The following AK4 variants were observed in gnomAD, a reference collection of about 807,000 sequenced individuals.
The protein encoded by AK4 is adenylate kinase 4, also known as adenylate kinase 4, mitochondrial.
In AK4, 13 loss-of-function variants were observed where a neutral mutation model predicts 24.6. The observed-to-expected ratio is 0.53, with a 90% CI of 0.34 to 0.84. AK4 has a LOEUF of 0.84. Ranked by LOEUF, AK4 falls within the 40% of genes least tolerant of loss-of-function variation. The pLI, the probability that AK4 is intolerant of heterozygous loss-of-function variation, is 0.01. For synonymous variants in AK4, 88 were observed against 107.0 expected (o/e 0.82, Z 1.10); for missense variants, 192 against 288.2 (o/e 0.67, Z 2.42).
intron 1 of AK4, among the ~76,000 whole-genome samples, chr1:65,152,145 G>T (rs1306982573): frequency 4.0e-5 from 6 of 151,682 alleles, no homozygotes; most frequent in African/African-American, 1.5e-4. Context: ...ATATCTAAAG[G>T]ATATGCAAAT....
intron 2 of AK4, among the ~76,000 whole-genome samples, chr1:65,216,033 TTTG>T (rs1478027092): frequency 1.3e-5 from 2 of 152,252 alleles, no homozygotes; most frequent in African/African-American, 4.8e-5. Flanking sequence ...TCTAAAATTC[TTTG>T]TTTACATTTA....
intron 1 of AK4, among the ~76,000 whole-genome samples, chr1:65,163,714 G>A (rs989156994): frequency 7.9e-5 from 12 of 152,312 alleles, no homozygotes; most frequent in South Asian, 4.1e-4. Context: ...AGTAATCCAC[G>A]TAGAGCTGGC....
chr1:65,152,405 T>A (rs1266700753), intron 1 of AK4, among the ~76,000 whole-genome samples: 2 of 91,370 alleles, frequency 2.2e-5, no homozygotes, highest in South Asian at 4.8e-4. Context: ...TTTTTTTTTT[T>A]TTTTTTTTTT....
At chr1:65,167,230 T>C (rs539910255) in intron 1 of AK4, among the ~76,000 whole-genome samples, 1 of 152,330 alleles carries the variant, frequency 6.6e-6, no homozygotes, top group East Asian at 1.9e-4. Flanking sequence ...CAGGATCTTT[T>C]AATATGCTGG....
chr1:65,209,091 A>G (rs573948818), intron 2 of AK4, among the ~76,000 whole-genome samples: 22 of 152,340 alleles, frequency 1.4e-4, no homozygotes, highest in Admixed American at 9.1e-4. Context: ...TCAGCTTTCA[A>G]TCTGGATTGG....
upstream of AK4, chr1:65,148,182 G>C: frequency 1.1e-6 from 1 of 904,692 alleles, no homozygotes; most frequent in Non-Finnish European, 1.6e-6. Context: ...GAGAAGGGCG[G>C]GGAGGTGTAG....
At chr1:65,166,528 T>TA (rs1170460085) in intron 1 of AK4, among the ~76,000 whole-genome samples, 1 of 151,068 alleles carries the variant, frequency 6.6e-6, no homozygotes, top group Non-Finnish European at 1.5e-5. Context: ...AATTGCTTTT[T>TA]AAATTTTTTT....
At chr1:65,209,242 A>G (rs1651902975) in intron 2 of AK4, among the ~76,000 whole-genome samples, 1 of 152,224 alleles carries the variant, frequency 6.6e-6, no homozygotes, top group Admixed American at 6.5e-5. Context: ...CAAGCAGTCC[A>G]TGCTTAAACA....
Position 65,206,584 on chromosome 1 carries a change from C to T in AK4, c.266-12170C>T, listed in dbSNP as rs779203456. The stretch of plus-strand genomic sequence containing the variant: ...CCCCATCTGCGTGTGCGTGTGTGCA[C>T]GTGCGTGCGCACACACACAAACACA... On this transcript the variant is annotated intron_variant, in intron 2 of 4. Transcript: ENST00000327299. 1.1e-4 allele frequency among the ~76,000 whole-genome samples: 17 copies of T among 152,218 alleles called. 1 individual carries two copies. The highest frequency in any genetic ancestry group is 8.8e-5 in the Non-Finnish European group (6 of 68,038).
chr1:65,210,331 A>T (rs1050955351), intron 2 of AK4, among the ~76,000 whole-genome samples: 1 of 150,918 alleles, frequency 6.6e-6, no homozygotes, highest in East Asian at 2.0e-4. Context: ...GTCACTTCCA[A>T]CTCTGCCTTT....
intron 2 of AK4, among the ~76,000 whole-genome samples, chr1:65,215,120 C>G (rs1310057326): frequency 1.3e-5 from 2 of 151,904 alleles, no homozygotes; most frequent in Non-Finnish European, 2.9e-5. Context: ...GGGACAGGAT[C>G]TGAGCATCCA....
intron 3 of AK4, among the ~76,000 whole-genome samples, chr1:65,224,065 A>G (rs1031414349): frequency 1.3e-5 from 2 of 152,220 alleles, no homozygotes; most frequent in African/African-American, 2.4e-5. Context: ...TTTGTTTTAC[A>G]TTGAGAAAGA....
chr1:65,177,375 G>A (rs1451571576), intron 1 of AK4, among the ~76,000 whole-genome samples: 1 of 152,048 alleles, frequency 6.6e-6, no homozygotes, highest in Non-Finnish European at 1.5e-5. Context: ...TCTTCTTTAG[G>A]AATAGCTTAC....
At chr1:65,201,873 T>A (rs1364788839) in intron 2 of AK4, among the ~76,000 whole-genome samples, 1 of 152,126 alleles carries the variant, frequency 6.6e-6, no homozygotes, top group Non-Finnish European at 1.5e-5. Flanking sequence ...CAACATGGTG[T>A]ATTCTGGAAA....
chr1:65,149,275 C>T (rs1009477805), intron 1 of AK4: 5 of 152,418 alleles, frequency 3.3e-5, no homozygotes, highest in African/African-American at 1.2e-4. Context: ...GAGCTGCCTC[C>T]CTTGGCATGA....
Position 65,214,503 on chromosome 1 carries a change from C to T in AK4, c.266-4251C>T, listed in dbSNP as rs950569847. ...AAACTTGCCAAAGTTCTCACAGTTACGGCTAGGTAAAGTCCCGGGATTAAA... is the reference window on the plus strand; with the variant it reads ...AAACTTGCCAAAGTTCTCACAGTTATGGCTAGGTAAAGTCCCGGGATTAAA... On this transcript the variant is annotated intron_variant, in intron 2 of 4. Transcript: ENST00000327299. 5.9e-5 allele frequency among the ~76,000 whole-genome samples: 9 copies of T among 152,056 alleles called. No individual in the cohort carries two copies. In the South Asian group the frequency reaches 1.2e-3, roughly 21 times the overall value.
chr1:65,172,065 AT>A (rs1650547055), intron 1 of AK4, among the ~76,000 whole-genome samples: 1 of 20,954 alleles, frequency 4.8e-5, no homozygotes, highest in African/African-American at 8.7e-4. Flanking sequence ...CATCTCAAGT[AT>A]ATATATATAT....
At chr1:65,164,431 TTCTC>T (rs961471035) in intron 1 of AK4, among the ~76,000 whole-genome samples, 2 of 152,184 alleles carry the variant, frequency 1.3e-5, no homozygotes, top group African/African-American at 2.4e-5. Context: ...CTCCCTACCT[TTCTC>T]TCTCTTTCAA....
intron 1 of AK4, among the ~76,000 whole-genome samples, chr1:65,156,461 T>A (rs1173821673): frequency 6.6e-6 from 1 of 152,224 alleles, no homozygotes; most frequent in Non-Finnish European, 1.5e-5. Context: ...TTTATTCTTT[T>A]AAAAAGATAT....
Sources: gnomAD v4.1 joint callset for allele counts (sites outside exome capture counted in the v4.1 genomes callset) on GRCh38, gnomAD v4.1.1 for gene constraint, MANE v1.5 for transcripts, NCBI Gene and HGNC (gene_info 2026-07-23, HGNC 2026-07-21) for gene names.